Variants in IL1RAPL1 observed in about 807,000 individuals in gnomAD.
IL1RAPL1 encodes the protein interleukin-1 receptor accessory protein-like 1.
In IL1RAPL1, 3 loss-of-function variants were observed where a neutral mutation model predicts 48.4. The ratio of observed to expected loss-of-function variants is 0.06; its 90% CI spans 0.03 to 0.16. The LOEUF (loss-of-function observed/expected upper bound fraction) is 0.16, where lower values mean the gene tolerates loss of function less well. IL1RAPL1 is among the 10% of genes least tolerant of loss of function. The probability of loss-of-function intolerance (pLI) is 1.00; values close to 1 mark genes in which losing one functional copy is unlikely to be tolerated. For missense variants in IL1RAPL1, 349 were observed against 530.6 expected (o/e 0.66, Z 3.36); for synonymous variants, 185 against 187.7 (o/e 0.99, Z 0.12).
chrX:29,187,674 A>AG, intron 2 of IL1RAPL1, among the ~76,000 whole-genome samples: 1 of 110,903 alleles, frequency 9.0e-6, no homozygotes, highest in South Asian at 3.8e-4. Context: ...AGACTTAAAA[A>AG]AATGTGAGCA....
chrX:29,205,759 G>C (rs1183882069), intron 2 of IL1RAPL1, among the ~76,000 whole-genome samples: 4 of 108,444 alleles, frequency 3.7e-5, no homozygotes, highest in Non-Finnish European at 3.8e-5. Context: ...TTTTGAGATG[G>C]AGTCTCACTC....
chrX:29,211,094 TGAGA>T (rs1245776679), intron 2 of IL1RAPL1, among the ~76,000 whole-genome samples: 1 of 89,959 alleles, frequency 1.1e-5, no homozygotes, highest in Non-Finnish European at 2.3e-5. Context: ...ACACACAGAG[TGAGA>T]GAGAGAGAGG....
chrX:28,851,184 T>C (rs1006175209), intron 2 of IL1RAPL1, among the ~76,000 whole-genome samples: 2 of 108,748 alleles, frequency 1.8e-5, no homozygotes, highest in Non-Finnish European at 3.8e-5. Context: ...TGGTGCTTTG[T>C]TTTGTTGTGC....
rs183688538 is a variant in IL1RAPL1, at chrX:29,101,204, A to G, written c.83-181734A>G. Among the ~76,000 whole-genome samples the G allele has an allele frequency of 8.9e-5, 10 of 112,459 alleles. No homozygotes were observed. In the East Asian group the frequency reaches 2.5e-3, roughly 28 times the overall value. The stretch of plus-strand genomic sequence containing the variant: ...CGATACCGCAGAAATTCAAATGACC[A>G]TTAGAGGCTACTATGAGCAACTATA... On this transcript the variant is annotated intron_variant, in intron 2 of 10. Transcript: ENST00000378993.
intron 3 of IL1RAPL1, among the ~76,000 whole-genome samples, chrX:29,335,326 G>C (rs1193864778): frequency 4.6e-5 from 1 of 21,872 alleles, no homozygotes; most frequent in African/African-American, 1.2e-4. Flanking sequence ...GGAGAGGGGA[G>C]AGGGGAGAGG....
chrX:28,942,295 A>G (rs945942153), intron 2 of IL1RAPL1: 1 of 109,396 alleles, frequency 9.1e-6, no homozygotes, highest in Non-Finnish European at 1.9e-5. Flanking sequence ...AAAAAATGCA[A>G]TGTAATAAAA....
intron 2 of IL1RAPL1, among the ~76,000 whole-genome samples, chrX:29,260,922 T>G (rs1009572639): frequency 9.4e-6 from 1 of 106,927 alleles, no homozygotes; most frequent in Non-Finnish European, 1.9e-5. Context: ...ATATATATAT[T>G]ATATATAATA....
intron 2 of IL1RAPL1, among the ~76,000 whole-genome samples, chrX:28,948,199 A>T (rs1924357610): frequency 9.0e-6 from 1 of 111,708 alleles, no homozygotes; most frequent in Non-Finnish European, 1.9e-5. Flanking sequence ...GTTATGATTC[A>T]GCATCCCATA....
chrX:29,319,101 C>CAT lies in IL1RAPL1; in HGVS notation c.362+35895_362+35896dup, dbSNP rs1465061274. On this transcript the variant is annotated intron_variant, in intron 3 of 10. Transcript: ENST00000378993. Reference sequence around the variant, plus strand: ...TTTTGTATATATTCCACATATAATCCATATATATATATTAGACACACAGAT... The same window carrying CAT: ...TTTTGTATATATTCCACATATAATCCATATATATATATATTAGACACACAGAT... 3.5e-4 allele frequency among the ~76,000 whole-genome samples: 36 copies of CAT among 103,430 alleles called. No individual in the cohort carries two copies. In the South Asian group the frequency reaches 9.0e-3, roughly 26 times the overall value. The allele number at this position is 103,430 out of a possible 115,157, so 89.8% of individuals were successfully genotyped here. A position where few individuals can be genotyped will look rare whatever the true frequency, so the allele number is the denominator to read the frequency against.
At chrX:29,168,689 G>A (rs145751274) in intron 2 of IL1RAPL1, among the ~76,000 whole-genome samples, 13,620 of 28,697 alleles carry the variant, frequency 0.47, 2,842 homozygotes, top group Middle Eastern at 0.71. Flanking sequence ...ATATTCATAT[G>A]TACAATTGTA....
intron 3 of IL1RAPL1, among the ~76,000 whole-genome samples, chrX:29,353,487 G>A (rs760602873): frequency 1.8e-5 from 2 of 111,417 alleles, no homozygotes; most frequent in South Asian, 3.7e-4. Flanking sequence ...AAACTAATTA[G>A]CAGATATTAG....
At chrX:29,013,876 A>C (rs1926182155) in intron 2 of IL1RAPL1, among the ~76,000 whole-genome samples, 1 of 111,176 alleles carries the variant, frequency 9.0e-6, no homozygotes, top group African/African-American at 3.3e-5. Context: ...TTAAAAGTTG[A>C]AGGAAAAAAA....
chrX:29,065,522 T>G (rs760976728), intron 2 of IL1RAPL1, among the ~76,000 whole-genome samples: 31 of 112,113 alleles, frequency 2.8e-4, no homozygotes, highest in African/African-American at 1.0e-3. Flanking sequence ...CTCTTTGTGT[T>G]TATTATACTT....
At chrX:28,725,083 C>G (rs1464506951) in intron 1 of IL1RAPL1, among the ~76,000 whole-genome samples, 2 of 86,919 alleles carry the variant, frequency 2.3e-5, no homozygotes, top group Admixed American at 1.4e-4. Context: ...TCCTGAGCAT[C>G]TGGGACTATA....
chrX:29,379,793 A>G (rs1299162006), intron 3 of IL1RAPL1, among the ~76,000 whole-genome samples: 1 of 111,394 alleles, frequency 9.0e-6, no homozygotes, highest in Non-Finnish European at 1.9e-5. Context: ...ATGTTGCTTT[A>G]CTTAACATTT....
rs1237476507 is a variant in IL1RAPL1, at chrX:29,941,692, A to G, written c.1099A>G (p.Ile367Val). The stretch of plus-strand genomic sequence containing the variant: ...GGAACTTGCTGGAGGCCTTGGTGCT[A>G]TACTCTTGCTGCTTGTATGTTTGGT... ...TVELAGGLGAILLLLVCLVTI... is the reference protein window; with the variant it reads ...TVELAGGLGAVLLLLVCLVTI... The change falls in exon 9 of 11, where the codon ATA (isoleucine) becomes GTA (valine). Residue 367 changes from isoleucine to valine, a missense_variant. Ile to Val is a conservative substitution (Grantham distance 29). Around this residue, in one of 3 missense-constraint regions of IL1RAPL1, gnomAD observed 238 missense variants for 337.8 expected, o/e 0.70. Transcript: ENST00000378993. 1 of 1,209,901 alleles carries G rather than the reference A, an allele frequency of 8.3e-7. No individual in the cohort carries two copies. The highest frequency in any genetic ancestry group is 1.8e-5 in the South Asian group (1 of 56,951).
chrX:29,532,935 A>G (rs1489469179), intron 5 of IL1RAPL1, among the ~76,000 whole-genome samples: 1 of 111,219 alleles, frequency 9.0e-6, no homozygotes, highest in Non-Finnish European at 1.9e-5. Context: ...AGCACTAACA[A>G]CTCCCTCTAA....
intron 6 of IL1RAPL1, among the ~76,000 whole-genome samples, chrX:29,819,037 T>A (rs1930553863): frequency 9.0e-6 from 1 of 111,518 alleles, no homozygotes; most frequent in African/African-American, 3.3e-5. Context: ...GAAGTCTAGT[T>A]TGAGCCCCCA....
chrX:29,686,874 A>G (rs1331940950), intron 6 of IL1RAPL1, among the ~76,000 whole-genome samples: 7 of 110,557 alleles, frequency 6.3e-5, no homozygotes, highest in Non-Finnish European at 1.1e-4. Flanking sequence ...TTAATTTATT[A>G]CATCTGGAAG....
Sources: gnomAD v4.1 joint callset for allele counts (sites outside exome capture counted in the v4.1 genomes callset) on GRCh38, gnomAD v4.1.1 for gene constraint, gnomAD v4.1.1 regional missense constraint, MANE v1.5 for transcripts, NCBI Gene and HGNC (gene_info 2026-07-23, HGNC 2026-07-21) for gene names.